Variants in GNA14 observed in about 807,000 individuals in gnomAD.
GNA14 encodes the protein G protein subunit alpha 14, also known as guanine nucleotide-binding protein subunit alpha-14.
GNA14 carries 50 observed loss-of-function variants against 42.0 expected under a neutral mutation model. The ratio of observed to expected loss-of-function variants is 1.19; its 90% CI spans 0.95 to 1.51. The LOEUF (loss-of-function observed/expected upper bound fraction) is 1.51, where lower values mean the gene tolerates loss of function less well. GNA14 is among the 40% of genes most tolerant of loss of function. The probability of loss-of-function intolerance (pLI) is 0.00; values close to 1 mark genes in which losing one functional copy is unlikely to be tolerated. For missense variants in GNA14, 473 were observed against 446.2 expected, an observed-to-expected ratio of 1.06 and a Z score of -0.54; for synonymous variants, 173 against 163.1, an observed-to-expected ratio of 1.06 and a Z score of -0.46.
intron 2 of GNA14, among the ~76,000 whole-genome samples, chr9:77,501,953 T>A (rs954499473): frequency 1.3e-5 from 2 of 152,066 alleles, no homozygotes; most frequent in Non-Finnish European, 1.5e-5. Context: ...GTGATCCACC[T>A]GCCTCAGCCT....
At chr9:77,452,662 C>A (rs376061044) in intron 2 of GNA14, among the ~76,000 whole-genome samples, 5 of 438 alleles carry the variant, frequency 0.011, no homozygotes, top group African/African-American at 0.025. Flanking sequence ...GTGTGTGTGT[C>A]TGTGTGGTAC....
At chr9:77,560,814 C>G (rs1176595653) in intron 1 of GNA14, among the ~76,000 whole-genome samples, 1 of 151,944 alleles carries the variant, frequency 6.6e-6, no homozygotes, top group Non-Finnish European at 1.5e-5. Context: ...TGAGGAGTTA[C>G]TTATTTTCTA....
chr9:77,600,601 C>T (rs1823541927), intron 1 of GNA14, among the ~76,000 whole-genome samples: 1 of 152,126 alleles, frequency 6.6e-6, no homozygotes, highest in African/African-American at 2.4e-5. Flanking sequence ...GACCAGAGAG[C>T]AAGATGAGGA....
chr9:77,538,247 A>AT (rs1325743564), intron 1 of GNA14, among the ~76,000 whole-genome samples: 4 of 151,872 alleles, frequency 2.6e-5, no homozygotes, highest in East Asian at 1.9e-4. Flanking sequence ...ATTTTTTAAA[A>AT]TTTTTTTATA....
chr9:77,464,448 T>C (rs1233967420), intron 2 of GNA14, among the ~76,000 whole-genome samples: 1 of 152,132 alleles, frequency 6.6e-6, no homozygotes, highest in East Asian at 1.9e-4. Flanking sequence ...GTGAAGACCA[T>C]CTTTAAGTAT....
At position 77,434,516 on chromosome 9, in the gene GNA14, C is replaced by T. The variant is rs1009149354; in HGVS notation, c.316G>A (p.Ala106Thr). 3 of 1,612,736 alleles carry T rather than the reference C, an allele frequency of 1.9e-6. No individual in the cohort carries two copies. Among genetic ancestry groups the T allele is most frequent in the South Asian group, 2.2e-5 (2 of 90,816 alleles). The change falls in exon 3 of 7, where the codon GCC becomes ACC. Residue 106 changes from alanine (A) to threonine (T), a missense_variant. Ala to Thr is a moderately conservative substitution (Grantham distance 58, BLOSUM62 0). Coordinates refer to ENST00000341700, the MANE Select transcript of GNA14 (RefSeq NM_004297.4). Reference sequence around the variant, plus strand: ...ACTTCCACTTCTCTGATTATCTGGGCATTTTCCTACTCAAAGGAAAGAGAA... The same window carrying T: ...ACTTCCACTTCTCTGATTATCTGGGTATTTTCCTACTCAAAGGAAAGAGAA... ...QYVCEQNKEN[A>T]QIIREVEVDK...
chr9:77,582,118 T>C (rs1230646948), intron 1 of GNA14, among the ~76,000 whole-genome samples: 3 of 152,254 alleles, frequency 2.0e-5, no homozygotes, highest in African/African-American at 7.2e-5. Flanking sequence ...TGTCCTATCA[T>C]TGTAATGCCC....
chr9:77,521,468 T>TA (rs1275799652), intron 2 of GNA14, among the ~76,000 whole-genome samples: 1 of 152,098 alleles, frequency 6.6e-6, no homozygotes, highest in Admixed American at 6.6e-5. Flanking sequence ...AACTCTCCAA[T>TA]AAAAAAGTGA....
intron 2 of GNA14, among the ~76,000 whole-genome samples, chr9:77,480,782 G>A (rs1836535884): frequency 6.6e-6 from 1 of 152,190 alleles, no homozygotes; most frequent in Non-Finnish European, 1.5e-5. Flanking sequence ...TTGGGAGGGT[G>A]TATGTGTTGA....
chr9:77,547,275 T>G (rs1329196138), intron 1 of GNA14, among the ~76,000 whole-genome samples: 1 of 152,224 alleles, frequency 6.6e-6, no homozygotes, highest in Non-Finnish European at 1.5e-5. Flanking sequence ...GTAGATGAGA[T>G]AGCTATTATC....
chr9:77,507,655 C>T (rs7047335), intron 2 of GNA14, among the ~76,000 whole-genome samples: 91,789 of 151,950 alleles, frequency 0.6, 30,484 homozygotes, highest in African/African-American at 0.89. Flanking sequence ...GAAAAACAGC[C>T]GTTTGTTTTT....
chr9:77,498,391 A>AAAG (rs1554691952), intron 2 of GNA14, among the ~76,000 whole-genome samples: 9 of 141,554 alleles, frequency 6.4e-5, no homozygotes, highest in South Asian at 2.2e-4. Flanking sequence ...AAAAAAAAGA[A>AAAG]AAAAAAGAAA....
At chr9:77,514,557 G>A (rs1327523951) in intron 2 of GNA14, among the ~76,000 whole-genome samples, 1 of 151,654 alleles carries the variant, frequency 6.6e-6, no homozygotes, top group Non-Finnish European at 1.5e-5. Flanking sequence ...CTAACCCAAG[G>A]GTGGGTGGGT....
intron 2 of GNA14, among the ~76,000 whole-genome samples, chr9:77,498,850 C>T (rs777414887): frequency 6.6e-6 from 1 of 152,144 alleles, no homozygotes; most frequent in Non-Finnish European, 1.5e-5. Context: ...ATGAAAAAAC[C>T]TACACCCCAG....
At chr9:77,435,665 T>C (rs1281569101) in intron 2 of GNA14, among the ~76,000 whole-genome samples, 2 of 152,218 alleles carry the variant, frequency 1.3e-5, no homozygotes, top group African/African-American at 2.4e-5. Flanking sequence ...TTATTGGCTA[T>C]GTACTATGTG....
In GNA14 at chr9:77,553,174, C is replaced by T. The variant is rs139123706; in HGVS notation, c.125-23921G>A. Among the ~76,000 whole-genome samples, 473 of 152,192 alleles carry T rather than the reference C, an allele frequency of 3.1e-3. 3 individuals are homozygous for T. The highest frequency in any genetic ancestry group is 0.011 in the African/African-American group (461 of 41,542). On this transcript the variant is annotated intron_variant, in intron 1 of 6. Transcript: ENST00000341700. ...GAAGGGTGAAATCTCAATAATTAGC[C>T]TTGTTCTTTTCTACTCCCCCAGCCC...
intron 1 of GNA14, among the ~76,000 whole-genome samples, chr9:77,592,406 T>G (rs549145913): frequency 6.6e-6 from 1 of 152,346 alleles, no homozygotes; most frequent in African/African-American, 2.4e-5. Flanking sequence ...TTATTAGTTG[T>G]CAGAAATTGG....
intron 2 of GNA14, among the ~76,000 whole-genome samples, chr9:77,453,616 GA>G (rs145355024): frequency 0.049 from 7,447 of 152,264 alleles, 250 homozygotes; most frequent in South Asian, 0.12. Context: ...CACTTAGAAA[GA>G]TAATCCACAT....
In GNA14 at chr9:77,426,616, T is replaced by C. The variant is rs1835458290; in HGVS notation, c.724-901A>G. Among the ~76,000 whole-genome samples, 3 of 152,184 alleles carry C rather than the reference T, an allele frequency of 2.0e-5. No homozygotes were observed. The South Asian group carries it at 6.2e-4, about 32-fold the overall frequency. Reference sequence around the variant, plus strand: ...ACCGCGCCTGGCCTTGTTTAGAACATTCAAATAACTTTCCCAAGCCCATGT... The same window carrying C: ...ACCGCGCCTGGCCTTGTTTAGAACACTCAAATAACTTTCCCAAGCCCATGT... On this transcript the variant is annotated intron_variant, in intron 5 of 6. Transcript: ENST00000341700.
Sources: allele counts gnomAD v4.1 joint callset (sites outside exome capture counted in the v4.1 genomes callset), GRCh38; gene constraint gnomAD v4.1.1; transcripts MANE v1.5; gene names NCBI Gene and HGNC (gene_info 2026-07-23, HGNC 2026-07-21).